FHIT: variants seen among roughly 807,000 people sequenced by gnomAD.
FHIT encodes the protein bis(5'-adenosyl)-triphosphatase.
FHIT carries 19 observed loss-of-function variants against 17.9 expected under a neutral mutation model. That is an observed-to-expected ratio of 1.06 (90% CI 0.74 to 1.56). The LOEUF (loss-of-function observed/expected upper bound fraction) is 1.56, where lower values mean the gene tolerates loss of function less well. FHIT is among the 40% of genes most tolerant of loss of function. FHIT has a pLI of 0.00. For synonymous variants in FHIT, 81 were observed against 69.7 expected (o/e 1.16, Z -0.81); for missense variants, 248 against 189.2 (o/e 1.31, Z -1.82).
At chr3:61,249,944 A>T (rs2040575137) in intron 1 of FHIT, among the ~76,000 whole-genome samples, 1 of 76,314 alleles carries the variant, frequency 1.3e-5, no homozygotes, top group Admixed American at 1.7e-4. Context: ...ACACACACAC[A>T]CACACACACA....
chr3:61,059,069 C>T (rs543978900), intron 2 of FHIT, among the ~76,000 whole-genome samples: 17 of 152,336 alleles, frequency 1.1e-4, no homozygotes, highest in African/African-American at 3.8e-4. Flanking sequence ...CAATGTCTGG[C>T]CCTAGAAAAT....
chr3:60,886,459 T>C (rs1472839964), intron 3 of FHIT, among the ~76,000 whole-genome samples: 3 of 152,202 alleles, frequency 2.0e-5, no homozygotes, highest in Non-Finnish European at 4.4e-5. Flanking sequence ...AAAGCAACCT[T>C]TCATGTAATA....
chr3:61,018,299 A>G (rs2032224677), intron 3 of FHIT, among the ~76,000 whole-genome samples: 1 of 152,162 alleles, frequency 6.6e-6, no homozygotes. Context: ...AAGAGTTTTG[A>G]TTTTTGTTTC....
chr3:59,890,462 T>C (rs572457628), intron 8 of FHIT, among the ~76,000 whole-genome samples: 1 of 152,150 alleles, frequency 6.6e-6, no homozygotes, highest in African/African-American at 2.4e-5. Flanking sequence ...AAAGGCTGGG[T>C]TTAGGGTTCC....
intron 5 of FHIT, among the ~76,000 whole-genome samples, chr3:60,424,310 G>T (rs1043585641): frequency 1.3e-5 from 2 of 152,112 alleles, no homozygotes; most frequent in African/African-American, 4.8e-5. Flanking sequence ...GAAAATACTG[G>T]CTAATATCGG....
At chr3:60,869,779 G>A (rs1176858036) in intron 3 of FHIT, among the ~76,000 whole-genome samples, 1 of 152,110 alleles carries the variant, frequency 6.6e-6, no homozygotes, top group Non-Finnish European at 1.5e-5. Flanking sequence ...CAGAGTTTAA[G>A]CAAGGGCCAC....
chr3:59,957,139 G>C (rs12490649), intron 7 of FHIT, among the ~76,000 whole-genome samples: 14,721 of 152,234 alleles, frequency 0.097, 905 homozygotes, highest in Admixed American at 0.14. Context: ...CTCATCCCCA[G>C]TACCTCTCAA....
At chr3:59,759,927 A>G (rs537065659) in intron 8 of FHIT, among the ~76,000 whole-genome samples, 12 of 152,096 alleles carry the variant, frequency 7.9e-5, no homozygotes, top group African/African-American at 1.2e-4. Context: ...TAGTAGAAAA[A>G]TATGTTCATT....
intron 4 of FHIT, among the ~76,000 whole-genome samples, chr3:60,541,508 G>A (rs896368580): frequency 1.3e-5 from 2 of 152,108 alleles, no homozygotes; most frequent in Non-Finnish European, 2.9e-5. Context: ...CGTACTACCT[G>A]GTTCTAGGGA....
At chr3:60,316,481 T>C (rs188277877) in intron 5 of FHIT, among the ~76,000 whole-genome samples, 2 of 152,252 alleles carry the variant, frequency 1.3e-5, no homozygotes, top group Admixed American at 1.3e-4. Flanking sequence ...AAGCAAAAAA[T>C]GCAAACTATT....
At chr3:60,426,843 T>C (rs745675518) in intron 5 of FHIT, among the ~76,000 whole-genome samples, 22 of 152,156 alleles carry the variant, frequency 1.4e-4, no homozygotes, top group Non-Finnish European at 2.6e-4. Context: ...TCTACGACTT[T>C]TGGTCAGCAG....
intron 5 of FHIT, among the ~76,000 whole-genome samples, chr3:60,051,103 T>G (rs1701858422): frequency 6.6e-6 from 1 of 152,064 alleles, no homozygotes; most frequent in Non-Finnish European, 1.5e-5. Context: ...AGTAGGGAGC[T>G]TCTGGTCTGC....
chr3:59,752,698 G>T (rs1037469834), intron 8 of FHIT, among the ~76,000 whole-genome samples: 5 of 151,974 alleles, frequency 3.3e-5, no homozygotes, highest in Admixed American at 6.6e-5. Context: ...TGAGTTATTG[G>T]GGGACCTTAT....
intron 5 of FHIT, among the ~76,000 whole-genome samples, chr3:60,260,821 T>C (rs913723805): frequency 2.0e-5 from 3 of 151,960 alleles, no homozygotes; most frequent in African/African-American, 7.3e-5. Flanking sequence ...GAAACCAAGA[T>C]GGTGATAAAA....
At chr3:59,966,757 G>C (rs371504719) in intron 7 of FHIT, among the ~76,000 whole-genome samples, 1 of 152,162 alleles carries the variant, frequency 6.6e-6, no homozygotes, top group African/African-American at 2.4e-5. Context: ...GGGTGAGTCA[G>C]TGAGTAAGGG....
At chr3:59,950,020 A>G (rs1034005183) in intron 7 of FHIT, among the ~76,000 whole-genome samples, 1 of 152,134 alleles carries the variant, frequency 6.6e-6, no homozygotes, top group African/African-American at 2.4e-5. Flanking sequence ...GAAGGAATAG[A>G]GGTAAGGAGA....
chr3:60,758,243 T>C (rs181027646), intron 4 of FHIT, among the ~76,000 whole-genome samples: 4 of 152,294 alleles, frequency 2.6e-5, no homozygotes, highest in African/African-American at 9.6e-5. Context: ...TTTCCTCCCC[T>C]TTACCCTTCA....
At chr3:60,261,706 C>T (rs1019045084) in intron 5 of FHIT, among the ~76,000 whole-genome samples, 1 of 152,100 alleles carries the variant, frequency 6.6e-6, no homozygotes. Flanking sequence ...ACGTTCAGGA[C>T]ACCCCACTTT....
intron 5 of FHIT, among the ~76,000 whole-genome samples, chr3:60,222,991 T>A (rs1475905497): frequency 6.6e-6 from 1 of 152,222 alleles, no homozygotes. Context: ...AGGACTAGTT[T>A]TTCCTGAATT....
Sources: gnomAD v4.1 joint callset for allele counts (sites outside exome capture counted in the v4.1 genomes callset) on GRCh38, gnomAD v4.1.1 for gene constraint, MANE v1.5 for transcripts, NCBI Gene and HGNC (gene_info 2026-07-23, HGNC 2026-07-21) for gene names.